Variants in HTR1F observed in about 807,000 individuals in gnomAD.
HTR1F encodes the protein 5-hydroxytryptamine receptor 1F, also known as 5-hydroxytryptamine (serotonin) receptor 1F, G protein-coupled.
A neutral mutation model predicts 24.0 loss-of-function variants in HTR1F; 17 were observed. That is an observed-to-expected ratio of 0.71 (90% CI 0.48 to 1.06). The LOEUF is 1.06. HTR1F is among the 50% of genes least tolerant of loss of function. The probability of loss-of-function intolerance (pLI) is 0.00; values close to 1 mark genes in which losing one functional copy is unlikely to be tolerated. For missense variants in HTR1F, 391 were observed against 427.8 expected (o/e 0.91, Z 0.76); for synonymous variants, 186 against 156.8 (o/e 1.19, Z -1.39).
intron 2 of HTR1F, among the ~76,000 whole-genome samples, chr3:87,907,785 A>G (rs1482205512): frequency 6.6e-6 from 1 of 152,028 alleles, no homozygotes; most frequent in East Asian, 1.9e-4. Flanking sequence ...GTAAGTAATA[A>G]CATGGTTTCT....
chr3:87,853,875 CTGTT>C (rs1193371690), intron 2 of HTR1F, among the ~76,000 whole-genome samples: 1 of 151,972 alleles, frequency 6.6e-6, no homozygotes, highest in African/African-American at 2.4e-5. Flanking sequence ...TAACGAGTGT[CTGTT>C]CATGTTCTTT....
At chr3:87,849,912 C>T (rs1306897728) in intron 2 of HTR1F, among the ~76,000 whole-genome samples, 3 of 151,902 alleles carry the variant, frequency 2.0e-5, no homozygotes, top group Admixed American at 1.3e-4. Flanking sequence ...AATGAGATAC[C>T]ATCTCACACC....
At chr3:87,875,890 C>T (rs1188933490) in intron 2 of HTR1F, among the ~76,000 whole-genome samples, 1 of 146,582 alleles carries the variant, frequency 6.8e-6, no homozygotes, top group Non-Finnish European at 1.5e-5. Flanking sequence ...CGCTACTGCA[C>T]TCCAGCCTGG....
intron 2 of HTR1F, among the ~76,000 whole-genome samples, chr3:87,873,618 T>A (rs72913708): frequency 0.032 from 4,836 of 152,246 alleles, 268 homozygotes; most frequent in African/African-American, 0.11. Flanking sequence ...GGGCATCCTT[T>A]AGCACAGTCA....
intron 2 of HTR1F, among the ~76,000 whole-genome samples, chr3:87,958,664 G>A (rs1324961713): frequency 6.6e-6 from 1 of 151,406 alleles, no homozygotes; most frequent in African/African-American, 2.4e-5. Context: ...TTACCCACAC[G>A]TTATCTAGTC....
At chr3:87,794,575 G>A (rs1703872409) in intron 1 of HTR1F, among the ~76,000 whole-genome samples, 1 of 152,100 alleles carries the variant, frequency 6.6e-6, no homozygotes, top group Non-Finnish European at 1.5e-5. Flanking sequence ...TTTTCCACAC[G>A]TCTTTCAGTT....
intron 2 of HTR1F, among the ~76,000 whole-genome samples, chr3:87,852,720 C>A (rs747913940): frequency 2.6e-5 from 4 of 151,674 alleles, no homozygotes; most frequent in Non-Finnish European, 5.9e-5. Context: ...GGGCTATTTG[C>A]TAAATCAAAT....
intron 2 of HTR1F, among the ~76,000 whole-genome samples, chr3:87,942,966 T>C (rs1704606556): frequency 1.3e-5 from 2 of 152,172 alleles, no homozygotes; most frequent in African/African-American, 4.8e-5. Flanking sequence ...CCTCAATGCC[T>C]CCCTTAGTCT....
At chr3:87,913,889 T>C (rs1347452817) in intron 2 of HTR1F, among the ~76,000 whole-genome samples, 1 of 152,014 alleles carries the variant, frequency 6.6e-6, no homozygotes, top group Admixed American at 6.6e-5. Context: ...AGATTGCAGC[T>C]CTGACTTGGA....
At chr3:87,983,683 A>G (rs1438910942) in intron 2 of HTR1F, among the ~76,000 whole-genome samples, 2 of 152,124 alleles carry the variant, frequency 1.3e-5, no homozygotes, top group African/African-American at 4.8e-5. Flanking sequence ...CTCTGACCCC[A>G]ATCTGCATCC....
intron 2 of HTR1F, among the ~76,000 whole-genome samples, chr3:87,903,152 G>C (rs551698280): frequency 2.8e-4 from 43 of 151,950 alleles, no homozygotes; most frequent in Non-Finnish European, 5.9e-4. Context: ...TTAAATGTTA[G>C]ACCTAAAACC....
intron 1 of HTR1F, among the ~76,000 whole-genome samples, chr3:87,814,222 A>AT (rs1704209715): frequency 6.6e-6 from 1 of 152,170 alleles, no homozygotes; most frequent in Non-Finnish European, 1.5e-5. Flanking sequence ...CTAGTGTATG[A>AT]TTTTAACAAA....
intron 2 of HTR1F, among the ~76,000 whole-genome samples, chr3:87,941,568 G>A (rs555723894): frequency 6.6e-6 from 1 of 152,318 alleles, no homozygotes; most frequent in African/African-American, 2.4e-5. Context: ...GTCCAGGTAT[G>A]AGAACTGGCT....
Position 87,991,740 on chromosome 3 carries a change from T to G in HTR1F, c.991T>G (p.Phe331Val), listed in dbSNP as rs762174194. 3.1e-6 allele frequency: 5 copies of G among 1,613,948 alleles called. No homozygotes were observed. In the South Asian group the frequency reaches 4.4e-5, roughly 14 times the overall value. The change falls in exon 3 of 3, where the codon TTT becomes GTT. Residue 331 changes from phenylalanine (F) to valine (V), a missense_variant. Transcript: ENST00000319595. ...KCKISEEMSN[F>V]LAWLGYLNSL... ...TAAAATTTCTGAAGAAATGTCCAAT[T>G]TTTTGGCATGGCTTGGGTATCTCAA... is the stretch of plus-strand genomic sequence containing the variant.
intron 1 of HTR1F, among the ~76,000 whole-genome samples, chr3:87,811,648 T>G (rs868829732): frequency 3.3e-4 from 50 of 152,214 alleles, no homozygotes; most frequent in Non-Finnish European, 8.8e-5. Flanking sequence ...GGAAAAGCCC[T>G]GATTCATGAA....
At chr3:87,911,511 G>C (rs996914939) in intron 2 of HTR1F, among the ~76,000 whole-genome samples, 4 of 151,984 alleles carry the variant, frequency 2.6e-5, no homozygotes, top group Non-Finnish European at 4.4e-5. Context: ...CAGCAGAACT[G>C]CACCAGCTGT....
At position 87,991,352 on chromosome 3, in the gene HTR1F, C is replaced by G; in HGVS notation, c.603C>G (p.Tyr201Ter). ...YIPLALILILYYKIYRAAKTL... is the reference protein window; with the variant it reads ...YIPLALILIL ...CACTGGCATTGATTTTGATCCTTTA[C>G]TACAAAATATATAGAGCAGCAAAGA... is the stretch of plus-strand genomic sequence containing the variant. The change falls in exon 3 of 3, where the codon TAC becomes TAG. Residue 201 changes from tyrosine to a stop codon, truncating the protein, a stop_gained. Transcript: ENST00000319595. LOFTEE classifies it high-confidence loss of function. The G allele has an allele frequency of 1.2e-6, 2 of 1,613,868 alleles. No individual in the cohort carries two copies. The highest frequency in any genetic ancestry group is 1.7e-6 in the Non-Finnish European group (2 of 1,179,988).
chr3:87,933,061 A>G lies in HTR1F; in HGVS notation c.-42-57647A>G, dbSNP rs534900082. ...AGGCTGGTTCAATATATGCAAATCA[A>G]TAAATGTAATCCAGCATATAAACAG... On this transcript the variant is annotated intron_variant, in intron 2 of 2. Coordinates refer to ENST00000319595, the MANE Select transcript of HTR1F (RefSeq NM_001322209.2). 9.3e-5 allele frequency among the ~76,000 whole-genome samples: 14 copies of G among 150,560 alleles called. No homozygotes were observed. In the East Asian group the frequency reaches 1.6e-3, roughly 17 times the overall value.
rs1256522236 is a variant in HTR1F at position 87,856,562 on chromosome 3, C to T, written c.-43+34438C>T. ...CTTGTCTTGTGTAATATTGACTTGA[C>T]ATTTATACCTACTTGTTCTTTATGG... On this transcript the variant is annotated intron_variant, in intron 2 of 2. Coordinates refer to ENST00000319595, the MANE Select transcript of HTR1F (RefSeq NM_001322209.2). 2.0e-5 allele frequency among the ~76,000 whole-genome samples: 3 copies of T among 152,110 alleles called. No individual in the cohort carries two copies. In the East Asian group the frequency reaches 5.8e-4, roughly 29 times the overall value.
Sources: gnomAD v4.1 joint callset for allele counts (sites outside exome capture counted in the v4.1 genomes callset) on GRCh38, gnomAD v4.1.1 for gene constraint, MANE v1.5 for transcripts, NCBI Gene and HGNC (gene_info 2026-07-23, HGNC 2026-07-21) for gene names.